LYPD5: variants seen among roughly 807,000 people sequenced by gnomAD.
LYPD5 encodes the protein ly6/PLAUR domain-containing protein 5.
Under a neutral mutation model 19.1 loss-of-function variants are expected in LYPD5, and 21 were observed. That is an observed-to-expected ratio of 1.10 (90% CI 0.78 to 1.58). The LOEUF (loss-of-function observed/expected upper bound fraction) is 1.58. LYPD5 is among the 40% of genes most tolerant of loss of function. LYPD5 has a pLI of 0.00. For synonymous variants in LYPD5, 128 were observed against 142.7 expected, an observed-to-expected ratio of 0.90 and a Z score of 0.74; for missense variants, 287 against 329.8, an observed-to-expected ratio of 0.87 and a Z score of 1.00.
At chr19:43,806,001 T>C (rs1970267579), upstream of LYPD5, among the ~76,000 whole-genome samples, 1 of 152,040 alleles carries the variant, frequency 6.6e-6, no homozygotes, top group Non-Finnish European at 1.5e-5. Flanking sequence ...CTATCCCTCC[T>C]CCCCACACCC....
At chr19:43,818,570 C>T (rs1374897724) in intron 1 of LYPD5, among the ~76,000 whole-genome samples, 1 of 152,226 alleles carries the variant, frequency 6.6e-6, no homozygotes, top group Admixed American at 6.5e-5. Context: ...TCTGTAACGT[C>T]TCATGCATCA....
chr19:43,816,008 C>T (rs142209117), intron 1 of LYPD5, among the ~76,000 whole-genome samples: 1,601 of 152,118 alleles, frequency 0.011, 14 homozygotes, highest in Middle Eastern at 0.027. Flanking sequence ...TGCTGGGATT[C>T]CAGGTGTGAG....
chr19:43,815,707 C>T (rs910956971), intron 1 of LYPD5: 12 of 353,722 alleles, frequency 3.4e-5, no homozygotes, highest in African/African-American at 2.6e-4. Context: ...TATAAACACA[C>T]ATCTATATAT....
intron 1 of LYPD5, 110 bp downstream of exon 1, chr19:43,802,207 A>AGACCCAGGAGTCCAGGCCCTCAG (rs1290801318): frequency 1.6e-6 from 1 of 635,786 alleles, no homozygotes; most frequent in Non-Finnish European, 2.5e-6. Flanking sequence ...CAGGCCCCCA[A>AGACCCAGGAGTCCAGGCCCTCAG]CCCCTCCTCC....
chr19:43,801,204 A>C (rs1970219775), intron 1 of LYPD5, among the ~76,000 whole-genome samples: 1 of 152,148 alleles, frequency 6.6e-6, no homozygotes, highest in South Asian at 2.1e-4. Context: ...TGTGGGCAAC[A>C]GAGTGAGACC....
At chr19:43,811,044 T>C (rs2099356) in intron 1 of LYPD5, among the ~76,000 whole-genome samples, 46,203 of 152,186 alleles carry the variant, frequency 0.3, 8,452 homozygotes, top group South Asian at 0.55. Context: ...TTAAAATATG[T>C]TCATAAAGAA....
upstream of LYPD5, among the ~76,000 whole-genome samples, chr19:43,802,811 C>A (rs1286140921): frequency 6.6e-6 from 1 of 152,108 alleles, no homozygotes. Flanking sequence ...ATCATCTAAA[C>A]CTTCTCTGAA....
chr19:43,798,450 C>T lies in LYPD5; in HGVS notation c.517+5G>A, dbSNP rs762320446. The T allele has an allele frequency of 6.2e-7, 1 of 1,605,416 alleles. No homozygotes were observed. On this transcript the variant is annotated splice_donor_5th_base_variant and intron_variant, in intron 4 of 4. Coordinates refer to ENST00000377950, the MANE Select transcript of LYPD5 (RefSeq NM_001031749.3). Reference sequence around the variant, plus strand: ...CCAGGCCCTTCCACCCTTCCAGCCCCTTACCAACTGTCATTCTGCCATTGC... The same window carrying T: ...CCAGGCCCTTCCACCCTTCCAGCCCTTTACCAACTGTCATTCTGCCATTGC...
intron 1 of LYPD5, among the ~76,000 whole-genome samples, chr19:43,816,048 A>G (rs1970371576): frequency 6.6e-6 from 1 of 150,898 alleles, no homozygotes; most frequent in Non-Finnish European, 1.5e-5. Flanking sequence ...CTATCTATCT[A>G]TCTATCTATC....
In LYPD5 at chr19:43,808,673, A is replaced by C. The variant is rs777724633; in HGVS notation, c.-65-8839T>G. ...TCAATAATTAATGGATCTGTGCTAC[A>C]TTCTGCCAAAATAGCAGCTGTGGAA... On this transcript the variant is annotated intron_variant, in intron 1 of 4. Coordinates refer to the LYPD5 transcript ENST00000414615. Among the ~76,000 whole-genome samples, 27 of 152,210 alleles carry C rather than the reference A, an allele frequency of 1.8e-4. 1 individual carries two copies. Among genetic ancestry groups the C allele is most frequent in the South Asian group, 4.1e-4 (2 of 4,830 alleles).
chr19:43,801,693 AACAC>A (rs1334623676), intron 1 of LYPD5, among the ~76,000 whole-genome samples: 1 of 152,202 alleles, frequency 6.6e-6, no homozygotes, highest in Non-Finnish European at 1.5e-5. Context: ...TATACAGAGA[AACAC>A]ACACAAGCAC....
Position 43,797,277 on chromosome 19 carries a change from G to A in LYPD5, c.*314C>T, listed in dbSNP as rs1400347979. On this transcript the variant is annotated 3_prime_UTR_variant, in exon 5 of 5. Transcript: ENST00000377950. Reference sequence around the variant, plus strand: ...AGAGCTGCGACAGGCTCTGGAGGGAGAGCACAGGAAGCCGTGTTATGGGGT... The same window carrying A: ...AGAGCTGCGACAGGCTCTGGAGGGAAAGCACAGGAAGCCGTGTTATGGGGT... 1.2e-5 allele frequency: 4 copies of A among 343,600 alleles called. No individual in the cohort carries two copies. Among genetic ancestry groups the A allele is most frequent in the Non-Finnish European group, 2.1e-5 (4 of 187,320 alleles). 21.3% of individuals were successfully genotyped at this position (343,600 alleles called of 1,614,324 possible).
chr19:43,810,055 A>C (rs1970306711), intron 1 of LYPD5, among the ~76,000 whole-genome samples: 1 of 152,194 alleles, frequency 6.6e-6, no homozygotes, highest in Non-Finnish European at 1.5e-5. Context: ...TGCACAATAC[A>C]TAATAATTTT....
upstream of LYPD5, among the ~76,000 whole-genome samples, chr19:43,804,105 T>C (rs1970251369): frequency 6.6e-6 from 1 of 152,188 alleles, no homozygotes; most frequent in Non-Finnish European, 1.5e-5. Flanking sequence ...CCCAAATTGC[T>C]GGGATTACAG....
Position 43,798,911 on chromosome 19 carries a change from C to A in LYPD5, c.271G>T (p.Asp91Tyr), listed in dbSNP as rs1970177877. The A allele has an allele frequency of 6.2e-7, 1 of 1,600,216 alleles. No homozygotes were observed. Among genetic ancestry groups the A allele is most frequent in the Non-Finnish European group, 8.5e-7 (1 of 1,173,936 alleles). ...ACCGAGTAGTCTGGCGGCAGCGCGT[C>A]CGCGTTCGATTGCGTCTGGCCCGCA... is the stretch of plus-strand genomic sequence containing the variant. ...PPAGQTQSNA[D>Y]ALPPDYSVVR... Residue 91 changes from aspartate to tyrosine, a missense_variant, in exon 3 of 5, where the codon GAC becomes TAC. Transcript: ENST00000377950.
chr19:43,796,139 T>C lies in LYPD5; in HGVS notation c.*1452A>G, dbSNP rs1206399809. ...CCTATTCATGGGGGCTCCACCCTCA[T>C]GATCTCACCACCTCCCAAAGGCCCC... On this transcript the variant is annotated 3_prime_UTR_variant, in exon 5 of 5. Transcript: ENST00000377950. 3 of 152,224 alleles carry C rather than the reference T, an allele frequency of 2.0e-5. No individual in the cohort carries two copies. Among genetic ancestry groups the C allele is most frequent in the Non-Finnish European group, 4.4e-5 (3 of 68,042 alleles). 9.4% of individuals were successfully genotyped at this position (152,224 alleles called of 1,614,324 possible). A position where few individuals can be genotyped will look rare whatever the true frequency, so the allele number is the denominator to read the frequency against.
upstream of LYPD5, among the ~76,000 whole-genome samples, chr19:43,803,795 G>A (rs1970248575): frequency 6.6e-6 from 1 of 151,924 alleles, no homozygotes; most frequent in South Asian, 2.1e-4. Flanking sequence ...AGACACAGAG[G>A]GCCAAATATA....
intron 4 of LYPD5, among the ~76,000 whole-genome samples, chr19:43,798,102 CCAGGGCA>C (rs1970159377): frequency 2.1e-5 from 1 of 47,294 alleles, no homozygotes; most frequent in Non-Finnish European, 5.2e-5. Context: ...CTCCCTCAGA[CCAGGGCA>C]TGGCCTCCTT....
chr19:43,805,923 A>G (rs1395427651), upstream of LYPD5, among the ~76,000 whole-genome samples: 1 of 152,160 alleles, frequency 6.6e-6, no homozygotes, highest in Non-Finnish European at 1.5e-5. Context: ...GTTTTGTACA[A>G]TCAATATCCA....
Sources: gnomAD v4.1 joint callset for allele counts (sites outside exome capture counted in the v4.1 genomes callset) on GRCh38, gnomAD v4.1.1 for gene constraint, MANE v1.5 for transcripts, NCBI Gene and HGNC (gene_info 2026-07-23, HGNC 2026-07-21) for gene names.